Variants in SQSTM1 observed in about 807,000 individuals in gnomAD.
SQSTM1 encodes the protein sequestosome 1, also known as sequestosome-1.
In SQSTM1, 36 loss-of-function variants were observed where a neutral mutation model predicts 45.1. The observed-to-expected ratio is 0.80, with a 90% CI of 0.61 to 1.05. The LOEUF is 1.05. Among genes scored for constraint, SQSTM1 ranks in the 50% least tolerant of loss-of-function variants. The probability of loss-of-function intolerance (pLI) is 0.00; values close to 1 mark genes in which losing one functional copy is unlikely to be tolerated. For missense variants in SQSTM1, 617 were observed against 607.1 expected, an observed-to-expected ratio of 1.02 and a Z score of -0.17; for synonymous variants, 290 against 244.3, an observed-to-expected ratio of 1.19 and a Z score of -1.74.
intron 6 of SQSTM1, 97 bp from the exon 7 acceptor site, chr5:179,833,487 TGCA>T: frequency 2.3e-6 from 3 of 1,290,084 alleles, no homozygotes; most frequent in Non-Finnish European, 3.3e-6. Flanking sequence ...ACTGCACGTG[TGCA>T]TGCGTGCTCC....
chr5:179,819,021 C>T (rs1450072339), upstream of SQSTM1: 1 of 152,516 alleles, frequency 6.6e-6, no homozygotes, highest in Non-Finnish European at 1.5e-5. Flanking sequence ...GGAGCCACTC[C>T]CCAGCCCAGC....
At chr5:179,825,083 A>G in intron 4 of SQSTM1, 63 bp from the exon 5 acceptor site, 2 of 1,542,926 alleles carry the variant, frequency 1.3e-6, no homozygotes, top group Non-Finnish European at 1.8e-6. Context: ...AGAAGGTGAC[A>G]GGACTGTGAC....
At chr5:179,812,989 C>CGT (rs1419115402) in intron 2 of SQSTM1, 2 of 142,926 alleles carry the variant, frequency 1.4e-5, no homozygotes, top group Non-Finnish European at 3.0e-5. Flanking sequence ...ACATGGTCCC[C>CGT]CCCCCCCCAA....
chr5:179,829,007 T>G, intron 5 of SQSTM1, among the ~76,000 whole-genome samples: 1 of 150,118 alleles, frequency 6.7e-6, no homozygotes, highest in Non-Finnish European at 1.5e-5. Flanking sequence ...AGGCAAGAGG[T>G]GGGAGTGATC....
In SQSTM1 at chr5:179,824,274, ACGT is replaced by A; in HGVS notation, c.626_628del (p.Arg209del). 2.5e-6 allele frequency: 4 copies of A among 1,613,794 alleles called. No individual in the cohort carries two copies. Among genetic ancestry groups the A allele is most frequent in the Non-Finnish European group, 3.4e-6 (4 of 1,180,038 alleles). On this transcript the variant is annotated inframe_deletion, in exon 4 of 8. Transcript: ENST00000389805. ...TGGGTCCACCAGGAAACTGGAGCCCACGTCCTCCTCGTGCAGGGGAGGCCCGCC... is the reference window on the plus strand; with the variant it reads ...TGGGTCCACCAGGAAACTGGAGCCCACCTCCTCGTGCAGGGGAGGCCCGCC...
Position 179,833,104 on chromosome 5 carries a change from C to A in SQSTM1, c.827C>A (p.Ser276Tyr), listed in dbSNP as rs202119215. 3.1e-6 allele frequency: 5 copies of A among 1,614,098 alleles called. No homozygotes were observed. Among genetic ancestry groups the A allele is most frequent in the Non-Finnish European group, 3.4e-6 (4 of 1,180,054 alleles). Residue 276 changes from serine (S) to tyrosine (Y), a missense_variant, in exon 6 of 8, where the codon TCC (serine) becomes TAC (tyrosine). Ser to Tyr is a moderately radical substitution (Grantham distance 144). Coordinates refer to ENST00000389805, the MANE Select transcript of SQSTM1 (RefSeq NM_003900.5). ...CTGACCCCCGTCTCTCCAGAGAGTT[C>A]CAGCACAGAGGAGAAGAGCAGCTCA... ...SRLTPVSPES[S>Y]STEEKSSSQP... is the part of the protein sequence containing the mutation.
At chr5:179,817,136 G>C (rs1316059015), upstream of SQSTM1, among the ~76,000 whole-genome samples, 9 of 152,200 alleles carry the variant, frequency 5.9e-5, no homozygotes, top group African/African-American at 2.2e-4. Flanking sequence ...GTCGCCGCTC[G>C]GGTGGGGTGG....
upstream of SQSTM1, among the ~76,000 whole-genome samples, chr5:179,817,603 G>A (rs1375246464): frequency 6.6e-6 from 1 of 152,234 alleles, no homozygotes; most frequent in Non-Finnish European, 1.5e-5. Flanking sequence ...GTCTGTCCAT[G>A]ACTTGAACTC....
In SQSTM1 at chr5:179,812,002, C is replaced by T. The variant is rs1458788166; in HGVS notation, c.-48+320C>T. On this transcript the variant is annotated intron_variant, in intron 2 of 5. Coordinates refer to the SQSTM1 transcript ENST00000514093. ...TGTATTTTTAGTAGAGACGGGGTTT[C>T]ACCGTGTTAGCCAGGATGGTCTCGA... is the stretch of plus-strand genomic sequence containing the variant. 4.6e-5 allele frequency: 7 copies of T among 152,164 alleles called. No homozygotes were observed. In the East Asian group the frequency reaches 1.2e-3, roughly 25 times the overall value. The allele number at this position is 152,164 out of a possible 1,614,324, so 9.4% of individuals were successfully genotyped here. A position where few individuals can be genotyped will look rare whatever the true frequency, so the allele number is the denominator to read the frequency against.
intron 7 of SQSTM1, 90 bp downstream of exon 7, chr5:179,833,872 A>T (rs1561606403): frequency 7.0e-7 from 1 of 1,436,234 alleles, no homozygotes; most frequent in Non-Finnish European, 9.7e-7. Flanking sequence ...AAACAGAAGG[A>T]TGAGATGTTC....
chr5:179,831,185 G>A (rs1206707862), intron 5 of SQSTM1, among the ~76,000 whole-genome samples: 5 of 152,196 alleles, frequency 3.3e-5, no homozygotes, highest in Admixed American at 2.0e-4. Flanking sequence ...ACGTAAAGGG[G>A]GTCACAGCAT....
In SQSTM1 at chr5:179,823,946, C is replaced by T; in HGVS notation, c.390C>T (p.Gly130=). 1 of 1,614,036 alleles carries T rather than the reference C, an allele frequency of 6.2e-7. No homozygotes were observed. The highest frequency in any genetic ancestry group is 1.1e-5 in the South Asian group (1 of 91,092). Reference sequence around the variant, plus strand: ...TGCACCCCAATGTGATCTGCGATGGCTGCAATGGGCCTGTGGTAGGAACCC... The same window carrying T: ...TGCACCCCAATGTGATCTGCGATGGTTGCAATGGGCCTGTGGTAGGAACCC... ...NMVHPNVICD[G]CNGPVVGTRY... is the part of the protein sequence containing the mutation. Residue 130 remains glycine (G), a synonymous_variant, in exon 3 of 8, where the codon GGC becomes GGT. Coordinates refer to ENST00000389805, the MANE Select transcript of SQSTM1 (RefSeq NM_003900.5).
upstream of SQSTM1, chr5:179,820,048 C>T (rs1326485725): frequency 6.5e-6 from 1 of 152,906 alleles, no homozygotes; most frequent in Non-Finnish European, 1.5e-5. Context: ...CTCCTTGCCC[C>T]AGTTCTGGCG....
At position 179,823,852 on chromosome 5, in the gene SQSTM1, C is replaced by T. The variant is rs1562654160; in HGVS notation, c.302-6C>T. The T allele has an allele frequency of 1.9e-6, 3 of 1,610,756 alleles. No individual in the cohort carries two copies. Among genetic ancestry groups the T allele is most frequent in the Non-Finnish European group, 2.5e-6 (3 of 1,179,840 alleles). On this transcript the variant is annotated splice_polypyrimidine_tract_variant and splice_region_variant and intron_variant, in intron 2 of 7. Coordinates refer to ENST00000389805, the MANE Select transcript of SQSTM1 (RefSeq NM_003900.5). The stretch of plus-strand genomic sequence containing the variant: ...ACCCTAGCGGCTCTCTTTACCCTTC[C>T]TGTAGAGAAAAAAGAGTGCCGGCGG...
At chr5:179,816,798 C>T (rs28495745), upstream of SQSTM1, among the ~76,000 whole-genome samples, 99,625 of 152,028 alleles carry the variant, frequency 0.66, 33,809 homozygotes, top group Non-Finnish European at 0.76. Flanking sequence ...CGCCGCCCCC[C>T]CGTCTTTTCA....
Position 179,820,922 on chromosome 5 carries a change from A to G in SQSTM1, c.-15A>G, listed in dbSNP as rs1366696400. 6.6e-7 allele frequency: 1 copy of G among 1,525,340 alleles called. No individual in the cohort carries two copies. The highest frequency in any genetic ancestry group is 8.8e-7 in the Non-Finnish European group (1 of 1,138,334). 94.5% of individuals were successfully genotyped at this position (1,525,340 alleles called of 1,614,324 possible). A position where few individuals can be genotyped will look rare whatever the true frequency, so the allele number is the denominator to read the frequency against. On this transcript the variant is annotated 5_prime_UTR_variant, in exon 1 of 8. Transcript: ENST00000389805. ...CGACCGGGACGGCCCGTTTTCCGCC[A>G]GCTCGCCGCTCGCTATGGCGTCGCT... is the stretch of plus-strand genomic sequence containing the variant.
intron 1 of SQSTM1, among the ~76,000 whole-genome samples, chr5:179,809,863 C>T (rs1350809015): frequency 6.6e-5 from 10 of 151,712 alleles, no homozygotes; most frequent in Admixed American, 2.0e-4. Context: ...AGGCTGGTTT[C>T]GAACTCCTGA....
intron 7 of SQSTM1, among the ~76,000 whole-genome samples, chr5:179,834,870 C>G (rs903198322): frequency 6.6e-6 from 1 of 152,370 alleles, no homozygotes; most frequent in Non-Finnish European, 1.5e-5. Flanking sequence ...GCTTTCTATT[C>G]CACAAAGCCG....
Position 179,837,739 on chromosome 5 carries a change from T to A in SQSTM1, c.*1146T>A. 1.2e-6 allele frequency: 2 copies of A among 1,614,234 alleles called. No individual in the cohort carries two copies. The highest frequency in any genetic ancestry group is 2.2e-5 in the East Asian group (1 of 44,890). On this transcript the variant is annotated 3_prime_UTR_variant, in exon 8 of 8. Coordinates refer to ENST00000389805, the MANE Select transcript of SQSTM1 (RefSeq NM_003900.5). ...TAGGTGGCAGGACAAATTGCGCCCA[T>A]TTAGAGGATGTGGCTGTAACCTGCT...
Sources: allele counts gnomAD v4.1 joint callset (sites outside exome capture counted in the v4.1 genomes callset), GRCh38; gene constraint gnomAD v4.1.1; transcripts MANE v1.5; gene names NCBI Gene and HGNC (gene_info 2026-07-23, HGNC 2026-07-21).